Variants in ZNF316 observed in about 807,000 individuals in gnomAD.
ZNF316 encodes zinc finger protein 316.
In ZNF316, 23 loss-of-function variants were observed where a neutral mutation model predicts 75.6. The ratio of observed to expected loss-of-function variants is 0.30; its 90% CI spans 0.22 to 0.43. The LOEUF (loss-of-function observed/expected upper bound fraction) is 0.43. Among genes scored for constraint, ZNF316 ranks in the 20% least tolerant of loss-of-function variants. The probability of loss-of-function intolerance (pLI) is 1.00; values close to 1 mark genes in which losing one functional copy is unlikely to be tolerated. For synonymous variants in ZNF316, 827 were observed against 666.2 expected (o/e 1.24, Z -3.72); for missense variants, 1,266 against 1,409.4 (o/e 0.90, Z 1.63).
rs1779633875 is a variant in ZNF316 at position 6,656,758 on chromosome 7, G to C, written c.*2147G>C. ...GAGGGGCCAGGTACCCTTCGTGGTG[G>C]TCCAAACACATCCCCAGCCCTTTCT... On this transcript the variant is annotated 3_prime_UTR_variant, in exon 9 of 9. Transcript: ENST00000382252. 6.6e-6 allele frequency among the ~76,000 whole-genome samples: 1 copy of C among 152,098 alleles called. No individual in the cohort carries two copies. Among genetic ancestry groups the C allele is most frequent in the African/African-American group, 2.4e-5 (1 of 41,418 alleles).
rs559468680 is a variant in ZNF316 at position 6,656,754 on chromosome 7, G to C, written c.*2143G>C. On this transcript the variant is annotated 3_prime_UTR_variant, in exon 9 of 9. Transcript: ENST00000382252. ...GAGTGAGGGGCCAGGTACCCTTCGT[G>C]GTGGTCCAAACACATCCCCAGCCCT... is the stretch of plus-strand genomic sequence containing the variant. Among the ~76,000 whole-genome samples the C allele has an allele frequency of 1.3e-5, 2 of 152,258 alleles. No individual in the cohort carries two copies. The highest frequency in any genetic ancestry group is 6.5e-5 in the Admixed American group (1 of 15,288).
At position 6,637,656 on chromosome 7, in the gene ZNF316, G is replaced by A. The variant is rs1183036664; in HGVS notation, c.-430-190G>A. ...TTCCGCGGCAGCGCCCCCGCCTCCC[G>A]GACCCCCGTCCGGGCCTGCGCGTTG... On this transcript the variant is annotated intron_variant, in intron 1 of 8. Transcript: ENST00000382252. The surrounding 1 kb of genome is among the most constrained non-coding windows in gnomAD (Gnocchi z 6.2). Among the ~76,000 whole-genome samples the A allele has an allele frequency of 2.7e-5, 4 of 150,864 alleles. No homozygotes were observed. In the East Asian group the frequency reaches 7.8e-4, roughly 30 times the overall value.
In ZNF316 at chr7:6,653,960, G is replaced by T; in HGVS notation, c.2364G>T (p.Ala788=). Reference sequence around the variant, plus strand: ...GCGGTGCGGGGTTCAGCCGTCGCGCGCACTTGACGGCGCACGGGCGCGCGC... The same window carrying T: ...GCGGTGCGGGGTTCAGCCGTCGCGCTCACTTGACGGCGCACGGGCGCGCGC... ...GVCGAGFSRR[A]HLTAHGRAHT... Residue 788 remains alanine, a synonymous_variant, in exon 9 of 9, where the codon GCG becomes GCT. Transcript: ENST00000382252. The T allele has an allele frequency of 8.6e-7, 1 of 1,162,686 alleles. No homozygotes were observed. The highest frequency in any genetic ancestry group is 1.1e-6 in the Non-Finnish European group (1 of 944,252). The allele number at this position is 1,162,686 out of a possible 1,614,324, so 72.0% of individuals were successfully genotyped here.
At position 6,654,408 on chromosome 7, in the gene ZNF316, C is replaced by G; in HGVS notation, c.2812C>G (p.Arg938Gly). 8.2e-7 allele frequency: 1 copy of G among 1,213,004 alleles called. No individual in the cohort carries two copies. Among genetic ancestry groups the G allele is most frequent in the Non-Finnish European group, 1.0e-6 (1 of 976,142 alleles). 75.1% of individuals were successfully genotyped at this position (1,213,004 alleles called of 1,614,324 possible). The change falls in exon 9 of 9, where the codon CGC (arginine) becomes GGC (glycine). Residue 938 changes from arginine to glycine, a missense_variant. By Grantham distance (125) the Arg-to-Gly change is moderately radical (BLOSUM62 -2). Coordinates refer to ENST00000382252, the MANE Select transcript of ZNF316 (RefSeq NM_001278559.2). ...SHLLTHMKTH[R>G]GATAAPGSGS... ...CTTGCTCACCCACATGAAGACGCACCGCGGAGCCACCGCAGCGCCGGGCTC... is the reference window on the plus strand; with the variant it reads ...CTTGCTCACCCACATGAAGACGCACGGCGGAGCCACCGCAGCGCCGGGCTC...
At chr7:6,651,623 C>T (rs954360185) in intron 8 of ZNF316, among the ~76,000 whole-genome samples, 2 of 151,902 alleles carry the variant, frequency 1.3e-5, no homozygotes, top group East Asian at 3.9e-4. Flanking sequence ...AAAAGCCGGG[C>T]GTGGTGGCCT....
In ZNF316 at chr7:6,640,962, G is replaced by A. The variant is rs1307246725; in HGVS notation, c.-166-863G>A. Among the ~76,000 whole-genome samples, 2 of 152,212 alleles carry A rather than the reference G, an allele frequency of 1.3e-5. No homozygotes were observed. The highest frequency in any genetic ancestry group is 2.9e-5 in the Non-Finnish European group (2 of 68,042). On this transcript the variant is annotated intron_variant, in intron 3 of 8. Coordinates refer to ENST00000382252, the MANE Select transcript of ZNF316 (RefSeq NM_001278559.2). This position sits in a 1 kb window ranked among gnomAD's most constrained non-coding sequence, Gnocchi z 5.1. ...TGGTGCAGCCTGTTGAACTGTGAGT[G>A]AATGAAACCTTTTTTCTTTGCCACT... is the stretch of plus-strand genomic sequence containing the variant.
In ZNF316 at chr7:6,654,798, G is replaced by A; in HGVS notation, c.*187G>A. The A allele has an allele frequency of 2.3e-6, 1 of 432,916 alleles. No individual in the cohort carries two copies. The highest frequency in any genetic ancestry group is 3.5e-6 in the Non-Finnish European group (1 of 285,318). The allele number at this position is 432,916 out of a possible 1,614,324, so 26.8% of individuals were successfully genotyped here. A position where few individuals can be genotyped will look rare whatever the true frequency, so the allele number is the denominator to read the frequency against. ...GGTCCGTGTGCTCAGCCGGAGACGT[G>A]GGGGAGCTCTGGGGAGAAGAGCAGC... On this transcript the variant is annotated 3_prime_UTR_variant, in exon 9 of 9. Transcript: ENST00000382252.
intron 8 of ZNF316, among the ~76,000 whole-genome samples, chr7:6,648,383 C>T (rs974808241): frequency 2.6e-5 from 4 of 152,256 alleles, no homozygotes; most frequent in Non-Finnish European, 4.4e-5. Flanking sequence ...AAAGGAGCAT[C>T]GCCTGACATT....
chr7:6,641,089 G>A (rs1274494913), intron 3 of ZNF316, among the ~76,000 whole-genome samples: 1 of 152,188 alleles, frequency 6.6e-6, no homozygotes, highest in Non-Finnish European at 1.5e-5. Flanking sequence ...AGCTAATCAC[G>A]GAGCAGCTTT....
rs1446411616 is a variant in ZNF316, at chr7:6,641,889, A to G, written c.-102A>G. The G allele has an allele frequency of 6.6e-6, 1 of 152,476 alleles. No individual in the cohort carries two copies. The highest frequency in any genetic ancestry group is 2.4e-5 in the African/African-American group (1 of 41,466). The allele number at this position is 152,476 out of a possible 1,614,324, so 9.4% of individuals were successfully genotyped here. A position where few individuals can be genotyped will look rare whatever the true frequency, so the allele number is the denominator to read the frequency against. ...CCTCCTAGCCCCGTTGTGCCTTGCA[A>G]GTGCCTGCATCCTGTCTGTGCTGAG... On this transcript the variant is annotated 5_prime_UTR_variant, in exon 4 of 9. Coordinates refer to ENST00000382252, the MANE Select transcript of ZNF316 (RefSeq NM_001278559.2).
chr7:6,649,644 T>TA (rs1482620995), intron 8 of ZNF316, among the ~76,000 whole-genome samples: 24 of 152,116 alleles, frequency 1.6e-4, no homozygotes, highest in African/African-American at 5.6e-4. Flanking sequence ...CCAGGGGCCC[T>TA]GCTACTTCCT....
chr7:6,642,668 A>T lies in ZNF316; in HGVS notation c.259A>T (p.Lys87Ter). ...VEADVEEEDV[K>*]EVLAEEECPA... ...GGCGGACGTGGAGGAGGAGGATGTGAAGGAGGTGCTGGCAGAGGAGGAGTG... is the reference window on the plus strand; with the variant it reads ...GGCGGACGTGGAGGAGGAGGATGTGTAGGAGGTGCTGGCAGAGGAGGAGTG... The change falls in exon 5 of 9, where the codon AAG becomes TAG. Residue 87 changes from lysine to a stop codon, truncating the protein, a stop_gained. Transcript: ENST00000382252. LOFTEE classifies it high-confidence loss of function. The surrounding 1 kb of genome is among the most constrained non-coding windows in gnomAD (Gnocchi z 8.1). 8.1e-7 allele frequency: 1 copy of T among 1,235,078 alleles called. No individual in the cohort carries two copies. Among genetic ancestry groups the T allele is most frequent in the Non-Finnish European group, 1.0e-6 (1 of 990,596 alleles). The allele number at this position is 1,235,078 out of a possible 1,614,324, so 76.5% of individuals were successfully genotyped here. A position where few individuals can be genotyped will look rare whatever the true frequency, so the allele number is the denominator to read the frequency against.
At position 6,653,503 on chromosome 7, in the gene ZNF316, T is replaced by TG; in HGVS notation, c.1913dup (p.Leu640AlafsTer252). The TG allele has an allele frequency of 2.5e-6, 3 of 1,219,746 alleles. No individual in the cohort carries two copies. Among genetic ancestry groups the TG allele is most frequent in the Non-Finnish European group, 3.1e-6 (3 of 980,346 alleles). 75.6% of individuals were successfully genotyped at this position (1,219,746 alleles called of 1,614,324 possible). ...GACGGGCGCCCGCTCCCGGCGCCCC[T>TG]GGGGGGCCCGCTCTCCCTGGTGGAG... On this transcript the variant is annotated frameshift_variant, in exon 9 of 9. Coordinates refer to ENST00000382252, the MANE Select transcript of ZNF316 (RefSeq NM_001278559.2). LOFTEE classifies it high-confidence loss of function.
chr7:6,641,849 C>G lies in ZNF316; in HGVS notation c.-142C>G, dbSNP rs1779316969. ...GGAAGAAGCCTGACCTGCCGGCTTC[C>G]TGGCACCTGTCTCTCCTCCTAGCCC... On this transcript the variant is annotated 5_prime_UTR_variant, in exon 4 of 9. Transcript: ENST00000382252. 6.6e-6 allele frequency: 1 copy of G among 152,436 alleles called. No individual in the cohort carries two copies. The highest frequency in any genetic ancestry group is 2.4e-5 in the African/African-American group (1 of 41,478). 9.4% of individuals were successfully genotyped at this position (152,436 alleles called of 1,614,324 possible).
At chr7:6,641,439 T>C (rs1041846529) in intron 3 of ZNF316, among the ~76,000 whole-genome samples, 4 of 152,200 alleles carry the variant, frequency 2.6e-5, no homozygotes, top group Non-Finnish European at 5.9e-5. Context: ...GACTCTGCCG[T>C]GCCCTTGGGA....
At chr7:6,652,211 C>T in intron 8 of ZNF316, 92 bp from the exon 9 acceptor site, 1 of 1,183,272 alleles carries the variant, frequency 8.5e-7, no homozygotes, top group Non-Finnish European at 1.1e-6. Context: ...GGTGGCGTCT[C>T]GGAAGCCCTG....
rs757975258 is a variant in ZNF316 at position 6,640,622 on chromosome 7, A to G, written c.-166-1203A>G. On this transcript the variant is annotated intron_variant, in intron 3 of 8. Coordinates refer to ENST00000382252, the MANE Select transcript of ZNF316 (RefSeq NM_001278559.2). The surrounding 1 kb of genome is among the most constrained non-coding windows in gnomAD (Gnocchi z 5.1). ...GGTTCAGCGTGAGATCTGGGCGGGGACAAACATCCAGGCTCCATCAGTCCC... is the reference window on the plus strand; with the variant it reads ...GGTTCAGCGTGAGATCTGGGCGGGGGCAAACATCCAGGCTCCATCAGTCCC... Among the ~76,000 whole-genome samples, 1 of 152,160 alleles carries G rather than the reference A, an allele frequency of 6.6e-6. No homozygotes were observed. The highest frequency in any genetic ancestry group is 2.4e-5 in the African/African-American group (1 of 41,446).
In ZNF316 at chr7:6,652,328, AGAGGACCACGAG is replaced by A; in HGVS notation, c.738_749del (p.Asp246_Glu249del). 8.1e-7 allele frequency: 1 copy of A among 1,232,396 alleles called. No homozygotes were observed. The highest frequency in any genetic ancestry group is 1.0e-6 in the Non-Finnish European group (1 of 988,114). The allele number at this position is 1,232,396 out of a possible 1,614,324, so 76.3% of individuals were successfully genotyped here. ...GAGCCTGGTTCTGGACGGACGACAT[AGAGGACCACGAG>A]GAGGAAGACGACGAGGACTTCCTGG... On this transcript the variant is annotated inframe_deletion, in exon 9 of 9. Coordinates refer to ENST00000382252, the MANE Select transcript of ZNF316 (RefSeq NM_001278559.2).
At position 6,656,523 on chromosome 7, in the gene ZNF316, T is replaced by G. The variant is rs1248760657; in HGVS notation, c.*1912T>G. 2.0e-5 allele frequency: 3 copies of G among 152,246 alleles called. No homozygotes were observed. Among genetic ancestry groups the G allele is most frequent in the Non-Finnish European group, 2.9e-5 (2 of 68,046 alleles). The allele number at this position is 152,246 out of a possible 1,614,324, so 9.4% of individuals were successfully genotyped here. A position where few individuals can be genotyped will look rare whatever the true frequency, so the allele number is the denominator to read the frequency against. On this transcript the variant is annotated 3_prime_UTR_variant, in exon 9 of 9. Coordinates refer to ENST00000382252, the MANE Select transcript of ZNF316 (RefSeq NM_001278559.2). ...AGGTCCAACTTGTTTCTGCAAACAT[T>G]TTTTAAAAGATTTTCTCTTTTAAGA...
Sources: gnomAD v4.1 joint callset for allele counts (sites outside exome capture counted in the v4.1 genomes callset) on GRCh38, gnomAD v4.1.1 for gene constraint, Gnocchi (gnomAD v3.1) non-coding constraint, MANE v1.5 for transcripts, NCBI Gene and HGNC (gene_info 2026-07-23, HGNC 2026-07-21) for gene names.